The following SMPDL3A variants were observed in gnomAD, a reference collection of about 807,000 sequenced individuals.
The protein encoded by SMPDL3A is sphingomyelin phosphodiesterase acid like 3A.
SMPDL3A carries 39 observed loss-of-function variants against 38.5 expected under a neutral mutation model. That is an observed-to-expected ratio of 1.01 (90% CI 0.78 to 1.32). SMPDL3A has a LOEUF of 1.32. Among genes scored for constraint, SMPDL3A ranks in the 40% most tolerant of loss-of-function variants. The pLI is 0.00. For synonymous variants in SMPDL3A, 180 were observed against 194.3 expected, an observed-to-expected ratio of 0.93 and a Z score of 0.61; for missense variants, 502 against 536.2, an observed-to-expected ratio of 0.94 and a Z score of 0.63.
intron 6 of SMPDL3A, among the ~76,000 whole-genome samples, chr6:122,805,931 G>C (rs1781600370): frequency 6.6e-6 from 1 of 152,168 alleles, no homozygotes; most frequent in Non-Finnish European, 1.5e-5. Context: ...ATTTGAAAGT[G>C]AATCTCAAAC....
chr6:122,801,717 T>C (rs1192029456), intron 4 of SMPDL3A, among the ~76,000 whole-genome samples: 1 of 152,232 alleles, frequency 6.6e-6, no homozygotes, highest in Non-Finnish European at 1.5e-5. Context: ...ATTGGAAAAT[T>C]GATTGAGAAG....
chr6:122,789,503 G>A, intron 1 of SMPDL3A, 45 bp downstream of exon 1: 1 of 1,483,874 alleles, frequency 6.7e-7, no homozygotes, highest in Non-Finnish European at 9.2e-7. Flanking sequence ...CAAAGAGCGC[G>A]GAGCGGCGGC....
chr6:122,790,935 A>AAT, intron 1 of SMPDL3A, among the ~76,000 whole-genome samples: 1 of 152,316 alleles, frequency 6.6e-6, no homozygotes, highest in South Asian at 2.1e-4. Flanking sequence ...AAGAGGGGTT[A>AAT]CTGGAGTTCA....
At chr6:122,804,783 G>A in intron 5 of SMPDL3A, 126 bp from the exon 6 acceptor site, 1 of 724,278 alleles carries the variant, frequency 1.4e-6, no homozygotes, top group Non-Finnish European at 2.3e-6. Flanking sequence ...ATAAATAGAA[G>A]AGATGATATA....
intron 6 of SMPDL3A, 138 bp downstream of exon 6, chr6:122,805,227 T>G (rs1267029631): frequency 2.5e-5 from 17 of 672,448 alleles, no homozygotes; most frequent in Non-Finnish European, 3.8e-5. Flanking sequence ...TGAATTATCC[T>G]CAATGGTTGT....
Position 122,809,517 on chromosome 6 carries a change from G to A in SMPDL3A, c.*109G>A. 1.4e-6 allele frequency: 1 copy of A among 737,120 alleles called. No individual in the cohort carries two copies. Among genetic ancestry groups the A allele is most frequent in the Non-Finnish European group, 2.2e-6 (1 of 459,524 alleles). The allele number at this position is 737,120 out of a possible 1,614,324, so 45.7% of individuals were successfully genotyped here. On this transcript the variant is annotated 3_prime_UTR_variant, in exon 8 of 8. Transcript: ENST00000368440. ...TACTGAGTGGGCAAGTAGACTTCCT[G>A]TCTTTGCTTTCTTTTTTTTTTTCTT...
chr6:122,797,165 G>A (rs917134098), intron 3 of SMPDL3A, 197 bp downstream of exon 3: 2 of 429,874 alleles, frequency 4.7e-6, no homozygotes, highest in African/African-American at 4.1e-5. Flanking sequence ...TACTTCATGA[G>A]AAGTTGTATC....
chr6:122,806,219 T>C lies in SMPDL3A; in HGVS notation c.920-14T>C. ...ATTTAAAAATGTATGTTTATGTGCA[T>C]ACGTTTTGTTCAGGAAGTCCAGTAA... On this transcript the variant is annotated splice_polypyrimidine_tract_variant and intron_variant, in intron 6 of 7. Coordinates refer to ENST00000368440, the MANE Select transcript of SMPDL3A (RefSeq NM_006714.5). 6.2e-7 allele frequency: 1 copy of C among 1,606,774 alleles called. No homozygotes were observed. The highest frequency in any genetic ancestry group is 1.1e-5 in the South Asian group (1 of 89,444).
rs1781222575 is a variant in SMPDL3A at position 122,795,677 on chromosome 6, GAC to G, written c.115_116del (p.Gln39ValfsTer6). ...TCTGCATTTTTTGTGTAATCAACAG[GAC>G]AGTTTTGGCATGTGACTGACTTACA... is the stretch of plus-strand genomic sequence containing the variant. On this transcript the variant is annotated frameshift_variant and splice_region_variant, in exon 2 of 8. Coordinates refer to ENST00000368440, the MANE Select transcript of SMPDL3A (RefSeq NM_006714.5). LOFTEE classifies it high-confidence loss of function. 6.2e-7 allele frequency: 1 copy of G among 1,611,492 alleles called. No homozygotes were observed. Among genetic ancestry groups the G allele is most frequent in the East Asian group, 2.2e-5 (1 of 44,830 alleles).
At chr6:122,793,283 C>T (rs554995273) in intron 1 of SMPDL3A, among the ~76,000 whole-genome samples, 1 of 152,158 alleles carries the variant, frequency 6.6e-6, no homozygotes, top group South Asian at 2.1e-4. Flanking sequence ...AGTCACTTAA[C>T]TCTCACAGTA....
At chr6:122,807,087 G>T (rs545494500) in intron 7 of SMPDL3A, among the ~76,000 whole-genome samples, 10 of 151,888 alleles carry the variant, frequency 6.6e-5, no homozygotes, top group East Asian at 3.9e-4. Context: ...GAGATGGGGG[G>T]GGGGGGTCTC....
chr6:122,802,170 AT>A (rs1465755153), intron 4 of SMPDL3A, among the ~76,000 whole-genome samples: 3 of 148,970 alleles, frequency 2.0e-5, no homozygotes, highest in Non-Finnish European at 4.4e-5. Context: ...TATGGTTCTG[AT>A]TAATCTAGGG....
intron 1 of SMPDL3A, among the ~76,000 whole-genome samples, chr6:122,794,612 A>T (rs1321831716): frequency 6.6e-6 from 1 of 151,136 alleles, no homozygotes; most frequent in Non-Finnish European, 1.5e-5. Context: ...AAACACACAC[A>T]AAAAAAAACT....
Position 122,809,317 on chromosome 6 carries a change from G to GTTA in SMPDL3A, c.1272_1273insTAT (p.Cys424_Lys425insTyr). ...AGCAGTGTAACATGTGATAAGACAT[G>GTTA]TAAGGCCTTTCAGATTTGTGCAATT... On this transcript the variant is annotated inframe_insertion, in exon 8 of 8. Transcript: ENST00000368440. 6.2e-7 allele frequency: 1 copy of GTTA among 1,613,908 alleles called. No homozygotes were observed. Among genetic ancestry groups the GTTA allele is most frequent in the African/African-American group, 1.3e-5 (1 of 75,014 alleles).
chr6:122,804,185 A>G (rs185028653), intron 5 of SMPDL3A, among the ~76,000 whole-genome samples: 1 of 152,000 alleles, frequency 6.6e-6, no homozygotes, highest in African/African-American at 2.4e-5. Context: ...ACGGGGTTTT[A>G]CCATGTTGGC....
In SMPDL3A at chr6:122,809,350, TTGA is replaced by T; in HGVS notation, c.1306_1308del (p.Asp436del). The T allele has an allele frequency of 6.2e-7, 1 of 1,614,030 alleles. No homozygotes were observed. The highest frequency in any genetic ancestry group is 1.1e-5 in the South Asian group (1 of 91,084). ...TTTCAGATTTGTGCAATTATGAATCTTGATAATATTTCCTATGCAGATTGCCTC... is the reference window on the plus strand; with the variant it reads ...TTTCAGATTTGTGCAATTATGAATCTTAATATTTCCTATGCAGATTGCCTC... On this transcript the variant is annotated inframe_deletion, in exon 8 of 8. Coordinates refer to ENST00000368440, the MANE Select transcript of SMPDL3A (RefSeq NM_006714.5).
chr6:122,800,279 A>G (rs1428509488), intron 3 of SMPDL3A, among the ~76,000 whole-genome samples: 1 of 152,250 alleles, frequency 6.6e-6, no homozygotes, highest in Non-Finnish European at 1.5e-5. Flanking sequence ...TATTTAAAAA[A>G]TCAAAATATT....
Position 122,809,181 on chromosome 6 carries a change from G to C in SMPDL3A, c.1135G>C (p.Asp379His). 6.2e-7 allele frequency: 1 copy of C among 1,614,112 alleles called. No individual in the cohort carries two copies. The highest frequency in any genetic ancestry group is 8.5e-7 in the Non-Finnish European group (1 of 1,179,984). The change falls in exon 8 of 8, where the codon GAC (aspartate) becomes CAC (histidine). Residue 379 changes from aspartate to histidine, a missense_variant. By Grantham distance (81) the Asp-to-His change is moderately conservative (BLOSUM62 -1). Transcript: ENST00000368440. ...GGAGTATATCCTGACCCAGACCTACGACATTGAAGATTTGCAGCCGGAAAG... is the reference window on the plus strand; with the variant it reads ...GGAGTATATCCTGACCCAGACCTACCACATTGAAGATTTGCAGCCGGAAAG... ...KLEYILTQTYDIEDLQPESLY... is the reference protein window; with the variant it reads ...KLEYILTQTYHIEDLQPESLY...
chr6:122,801,512 C>T, intron 4 of SMPDL3A, 106 bp downstream of exon 4: 1 of 791,640 alleles, frequency 1.3e-6, no homozygotes, highest in South Asian at 1.6e-5. Context: ...GGAGCACAGC[C>T]CCCAGTTTTT....
Sources: gnomAD v4.1 joint callset for allele counts (sites outside exome capture counted in the v4.1 genomes callset) on GRCh38, gnomAD v4.1.1 for gene constraint, MANE v1.5 for transcripts, NCBI Gene and HGNC (gene_info 2026-07-23, HGNC 2026-07-21) for gene names.